Variants in NIPBL observed in about 807,000 individuals in gnomAD.
The protein encoded by NIPBL is NIPBL cohesin loading factor.
A neutral mutation model predicts 321.8 loss-of-function variants in NIPBL; 19 were observed. The observed-to-expected ratio is 0.06, with a 90% CI of 0.04 to 0.09. The LOEUF is 0.09. NIPBL is among the 10% of genes least tolerant of loss of function. The pLI, the probability that NIPBL is intolerant of heterozygous loss-of-function variation, is 1.00. For synonymous variants in NIPBL, 1,106 were observed against 1,114.1 expected (o/e 0.99, Z 0.14); for missense variants, 2,210 against 3,327.0 (o/e 0.66, Z 8.26).
chr5:37,041,184 C>T (rs1752300054), intron 34 of NIPBL, among the ~76,000 whole-genome samples: 3 of 140,646 alleles, frequency 2.1e-5, no homozygotes, highest in African/African-American at 8.1e-5. Flanking sequence ...ATTTCTTTTA[C>T]TTGATTTTCC....
chr5:36,962,327 A>G, intron 6 of NIPBL, 53 bp downstream of exon 6: 12 of 1,593,420 alleles, frequency 7.5e-6, no homozygotes, highest in Non-Finnish European at 1.0e-5. Context: ...TTTAATTCCA[A>G]GCAAATTTGT....
At chr5:37,063,097 G>A (rs1754951187) in intron 45 of NIPBL, among the ~76,000 whole-genome samples, 1 of 152,110 alleles carries the variant, frequency 6.6e-6, no homozygotes, top group African/African-American at 2.4e-5. Context: ...CAAGCACTTT[G>A]GGAGGCTGAG....
chr5:36,989,158 T>C (rs185514532), intron 10 of NIPBL, among the ~76,000 whole-genome samples: 2 of 152,354 alleles, frequency 1.3e-5, no homozygotes, highest in East Asian at 3.9e-4. Flanking sequence ...GAGCTACTTA[T>C]TTTTCAAATC....
chr5:37,053,352 A>T (rs1214016773), intron 42 of NIPBL, among the ~76,000 whole-genome samples: 1 of 152,176 alleles, frequency 6.6e-6, no homozygotes, highest in Non-Finnish European at 1.5e-5. Flanking sequence ...ATCTTATGGG[A>T]CCATCATCAT....
chr5:37,056,524 C>G (rs1754108182), intron 42 of NIPBL, among the ~76,000 whole-genome samples: 1 of 152,096 alleles, frequency 6.6e-6, no homozygotes, highest in Non-Finnish European at 1.5e-5. Context: ...TTTTGCCTGC[C>G]TCACAGTTTT....
chr5:36,923,531 T>C (rs528304183), intron 1 of NIPBL, among the ~76,000 whole-genome samples: 2 of 152,208 alleles, frequency 1.3e-5, no homozygotes, highest in Non-Finnish European at 2.9e-5. Context: ...TTTCCTGCTT[T>C]TATATACATT....
chr5:36,917,936 A>G (rs549427158), intron 1 of NIPBL, among the ~76,000 whole-genome samples: 63 of 152,240 alleles, frequency 4.1e-4, no homozygotes, highest in African/African-American at 1.5e-3. Flanking sequence ...GCCTTGTAGT[A>G]TAGTTTGAAG....
chr5:37,051,179 T>G (rs1445732218), intron 40 of NIPBL: 1 of 152,672 alleles, frequency 6.5e-6, no homozygotes, highest in Non-Finnish European at 1.5e-5. Flanking sequence ...TTTCTTTCAT[T>G]TAGTGCCATG....
chr5:36,894,274 TATG>T (rs918584187), intron 1 of NIPBL, among the ~76,000 whole-genome samples: 11 of 152,066 alleles, frequency 7.2e-5, no homozygotes, highest in African/African-American at 9.7e-5. Flanking sequence ...GATATTGAAA[TATG>T]ATAAGTACTC....
chr5:37,032,302 A>G (rs139705567), intron 32 of NIPBL, among the ~76,000 whole-genome samples: 4 of 152,208 alleles, frequency 2.6e-5, no homozygotes, highest in African/African-American at 9.6e-5. Flanking sequence ...AACGGGGAGT[A>G]TACTGAAGTC....
At chr5:36,905,753 T>G (rs1282724668) in intron 1 of NIPBL, among the ~76,000 whole-genome samples, 2 of 151,300 alleles carry the variant, frequency 1.3e-5, no homozygotes, top group South Asian at 4.2e-4. Flanking sequence ...GTTTTTGTGT[T>G]TTTTTTTTGA....
At chr5:37,027,329 TCTAA>T (rs1750402078) in intron 31 of NIPBL, 26 bp from the exon 32 acceptor site, 1 of 1,540,490 alleles carries the variant, frequency 6.5e-7, no homozygotes, top group Admixed American at 1.7e-5. Context: ...TAAATATACT[TCTAA>T]CTTTGATTCT....
At chr5:36,945,055 T>C (rs553916084) in intron 1 of NIPBL, among the ~76,000 whole-genome samples, 3 of 152,182 alleles carry the variant, frequency 2.0e-5, no homozygotes, top group Non-Finnish European at 4.4e-5. Context: ...AGGCTATTTC[T>C]TTTGCAATAT....
At chr5:37,008,492 AG>A in intron 19 of NIPBL, 130 bp from the exon 20 acceptor site, 1 of 637,348 alleles carries the variant, frequency 1.6e-6, no homozygotes, top group Non-Finnish European at 2.8e-6. Context: ...ATAGGAAAAT[AG>A]AGCAGCTTAC....
chr5:37,022,794 A>G (rs1329635536), intron 29 of NIPBL, among the ~76,000 whole-genome samples: 1 of 152,186 alleles, frequency 6.6e-6, no homozygotes. Context: ...GTACCTGACA[A>G]TATTTTTGGA....
chr5:36,931,877 G>A (rs939204519), intron 1 of NIPBL, among the ~76,000 whole-genome samples: 2 of 150,566 alleles, frequency 1.3e-5, no homozygotes, highest in African/African-American at 2.4e-5. Context: ...GTTTCTTAAG[G>A]TATGGAAGCA....
At chr5:36,884,471 G>C (rs1745737646) in intron 1 of NIPBL, among the ~76,000 whole-genome samples, 1 of 152,184 alleles carries the variant, frequency 6.6e-6, no homozygotes. Flanking sequence ...TGAGGAGAAA[G>C]AGAAAGCATT....
At chr5:36,965,284 C>T (rs1158077532) in intron 6 of NIPBL, among the ~76,000 whole-genome samples, 1 of 151,984 alleles carries the variant, frequency 6.6e-6, no homozygotes, top group Non-Finnish European at 1.5e-5. Context: ...CTAAGTCCCC[C>T]ATCAGTGGAT....
intron 10 of NIPBL, among the ~76,000 whole-genome samples, chr5:36,987,140 A>T (rs2149648418): frequency 6.6e-6 from 1 of 152,274 alleles, no homozygotes; most frequent in South Asian, 2.1e-4. Flanking sequence ...TCAGCCTCCC[A>T]AAGTGCTGGG....
Sources: gnomAD v4.1 joint callset for allele counts (sites outside exome capture counted in the v4.1 genomes callset) on GRCh38, gnomAD v4.1.1 for gene constraint, MANE v1.5 for transcripts, NCBI Gene and HGNC (gene_info 2026-07-23, HGNC 2026-07-21) for gene names.